The following RBFOX1 variants were observed in gnomAD, a reference collection of about 807,000 sequenced individuals.
The protein encoded by RBFOX1 is RNA binding fox-1 homolog 1.
Under a neutral mutation model 57.7 loss-of-function variants are expected in RBFOX1, and 8 were observed. The observed-to-expected ratio is 0.14, with a 90% CI of 0.08 to 0.25. RBFOX1 has a LOEUF of 0.25. RBFOX1 is among the 10% of genes least tolerant of loss of function. The pLI is 1.00. For missense variants in RBFOX1, 611 were observed against 548.5 expected (o/e 1.11, Z -1.14); for synonymous variants, 326 against 222.4 (o/e 1.47, Z -4.15).
intron 3 of RBFOX1, among the ~76,000 whole-genome samples, chr16:5,769,809 G>A (rs1310323043): frequency 6.6e-6 from 1 of 152,160 alleles, no homozygotes; most frequent in Non-Finnish European, 1.5e-5. Context: ...CTTGATTTTG[G>A]ACTTCTGGCC....
At chr16:5,490,134 C>A (rs1305085422) in intron 2 of RBFOX1, among the ~76,000 whole-genome samples, 1 of 152,166 alleles carries the variant, frequency 6.6e-6, no homozygotes, top group Non-Finnish European at 1.5e-5. Context: ...GAAAGGGTGA[C>A]TTTTATTTTC....
chr16:7,357,708 C>T (rs542405852), intron 4 of RBFOX1, among the ~76,000 whole-genome samples: 1 of 152,174 alleles, frequency 6.6e-6, no homozygotes, highest in Admixed American at 6.5e-5. Flanking sequence ...TTGCCCTGCC[C>T]ATGCTCAGAG....
intron 3 of RBFOX1, among the ~76,000 whole-genome samples, chr16:5,731,079 A>G (rs545501336): frequency 6.6e-5 from 10 of 152,092 alleles, no homozygotes; most frequent in African/African-American, 1.7e-4. Flanking sequence ...CACCATCACC[A>G]TCACCATCAA....
chr16:7,586,010 G>T (rs973514358), intron 6 of RBFOX1, among the ~76,000 whole-genome samples: 13 of 152,146 alleles, frequency 8.5e-5, no homozygotes, highest in African/African-American at 3.1e-4. Flanking sequence ...ACCTCTGGGG[G>T]TCATAAAGGA....
chr16:5,811,142 A>C (rs2055412742), intron 3 of RBFOX1, among the ~76,000 whole-genome samples: 1 of 99,098 alleles, frequency 1.0e-5, no homozygotes, highest in Admixed American at 1.0e-4. Context: ...TTATGGAACA[A>C]ATTTTTTTTT....
intron 4 of RBFOX1, among the ~76,000 whole-genome samples, chr16:7,326,408 G>T (rs1012020350): frequency 6.6e-6 from 1 of 152,114 alleles, no homozygotes; most frequent in African/African-American, 2.4e-5. Flanking sequence ...CAGTTTTACT[G>T]GGGGGATAAT....
At chr16:7,517,395 A>G (rs1301742933) in intron 4 of RBFOX1, among the ~76,000 whole-genome samples, 1 of 152,106 alleles carries the variant, frequency 6.6e-6, no homozygotes, top group African/African-American at 2.4e-5. Flanking sequence ...AGGGAGAGGC[A>G]TTGACTAATG....
At chr16:5,805,697 A>G (rs937861191) in intron 3 of RBFOX1, among the ~76,000 whole-genome samples, 3 of 152,232 alleles carry the variant, frequency 2.0e-5, no homozygotes, top group African/African-American at 7.2e-5. Context: ...TCAGAGGGCT[A>G]TAGGAAGGGT....
At chr16:5,518,154 T>C (rs2043864202) in intron 2 of RBFOX1, among the ~76,000 whole-genome samples, 1 of 152,204 alleles carries the variant, frequency 6.6e-6, no homozygotes, top group Non-Finnish European at 1.5e-5. Context: ...CAAACAGACC[T>C]AAAAAACCAA....
chr16:5,909,025 C>T (rs1233113634), intron 4 of RBFOX1, among the ~76,000 whole-genome samples: 1 of 149,052 alleles, frequency 6.7e-6, no homozygotes, highest in Non-Finnish European at 1.5e-5. Flanking sequence ...AAATAAATTT[C>T]TTTTGTGTAT....
chr16:6,483,570 A>T (rs2095409760), intron 2 of RBFOX1: 8 of 1,533,976 alleles, frequency 5.2e-6, no homozygotes, highest in African/African-American at 1.4e-5. Flanking sequence ...AAGACTCTAA[A>T]ACACTGTCAG....
intron 2 of RBFOX1, among the ~76,000 whole-genome samples, chr16:6,451,475 C>G (rs565673877): frequency 1.4e-4 from 21 of 152,224 alleles, no homozygotes; most frequent in Admixed American, 4.6e-4. Context: ...GAGACTCACT[C>G]GGGCCAAAAT....
intron 4 of RBFOX1, among the ~76,000 whole-genome samples, chr16:7,071,157 C>T (rs538066134): frequency 6.6e-6 from 1 of 152,246 alleles, no homozygotes; most frequent in African/African-American, 2.4e-5. Context: ...TACCCTGAAG[C>T]TTCCGTTTTG....
chr16:6,351,897 T>C (rs571455016), intron 2 of RBFOX1, among the ~76,000 whole-genome samples: 44 of 152,204 alleles, frequency 2.9e-4, no homozygotes, highest in Non-Finnish European at 5.6e-4. Context: ...TATGCATTAT[T>C]TTCATCATTC....
chr16:6,475,745 GGTGGAGCTTGCTTT>G (rs1242358784), intron 2 of RBFOX1, among the ~76,000 whole-genome samples: 1 of 152,070 alleles, frequency 6.6e-6, no homozygotes, highest in Non-Finnish European at 1.5e-5. Flanking sequence ...TATTTTTTTA[GGTGGAGCTTGCTTT>G]GTGCTTTTCT....
At chr16:7,083,547 A>G (rs1764600551) in intron 4 of RBFOX1, among the ~76,000 whole-genome samples, 1 of 152,096 alleles carries the variant, frequency 6.6e-6, no homozygotes, top group African/African-American at 2.4e-5. Context: ...CGTGGATCAA[A>G]TGGGTTTCTT....
intron 3 of RBFOX1, among the ~76,000 whole-genome samples, chr16:6,786,994 C>A (rs375418874): frequency 6.6e-6 from 1 of 152,068 alleles, no homozygotes; most frequent in Non-Finnish European, 1.5e-5. Context: ...ACCCATCTCA[C>A]TAAAAACTTC....
intron 1 of RBFOX1, among the ~76,000 whole-genome samples, chr16:5,387,021 A>C (rs1449703429): frequency 2.6e-5 from 4 of 152,248 alleles, no homozygotes; most frequent in Non-Finnish European, 5.9e-5. Flanking sequence ...ATTGCACTCC[A>C]GCCTGGGCAA....
intron 3 of RBFOX1, among the ~76,000 whole-genome samples, chr16:6,803,114 C>T (rs2085885101): frequency 6.6e-6 from 1 of 152,014 alleles, no homozygotes; most frequent in Non-Finnish European, 1.5e-5. Flanking sequence ...GACTCAAAAC[C>T]TCTGAGCTAG....
Sources: allele counts gnomAD v4.1 joint callset (sites outside exome capture counted in the v4.1 genomes callset), GRCh38; gene constraint gnomAD v4.1.1; transcripts MANE v1.5; gene names NCBI Gene and HGNC (gene_info 2026-07-23, HGNC 2026-07-21).